Variants in C1QTNF7 observed in about 807,000 individuals in gnomAD.
C1QTNF7 encodes the protein C1q and TNF related 7, also known as complement C1q tumor necrosis factor-related protein 7.
Under a neutral mutation model 19.6 loss-of-function variants are expected in C1QTNF7, and 15 were observed. The observed-to-expected ratio is 0.76, with a 90% CI of 0.51 to 1.18. The LOEUF (loss-of-function observed/expected upper bound fraction) is 1.18, where lower values mean the gene tolerates loss of function less well. Among genes scored for constraint, C1QTNF7 ranks in the 50% most tolerant of loss-of-function variants. The pLI is 0.00. For missense variants in C1QTNF7, 324 were observed against 359.7 expected (o/e 0.90, Z 0.80); for synonymous variants, 142 against 137.5 (o/e 1.03, Z -0.23).
In C1QTNF7 at chr4:15,442,947, AAC is replaced by A; in HGVS notation, c.*152_*153del. The A allele has an allele frequency of 1.2e-6, 1 of 817,520 alleles. No homozygotes were observed. Among genetic ancestry groups the A allele is most frequent in the South Asian group, 2.6e-5 (1 of 38,568 alleles). The allele number at this position is 817,520 out of a possible 1,614,324, so 50.6% of individuals were successfully genotyped here. Reference sequence around the variant, plus strand: ...AGCAGAATTTATCAAAACAAGATGAAACACAGAAAAGTTGAAACCACAACAAA... The same window carrying A: ...AGCAGAATTTATCAAAACAAGATGAAACAGAAAAGTTGAAACCACAACAAA... On this transcript the variant is annotated 3_prime_UTR_variant, in exon 3 of 3. Transcript: ENST00000444304.
intron 1 of C1QTNF7, among the ~76,000 whole-genome samples, chr4:15,402,984 GTTTTTTT>G (rs5856299): frequency 4.2e-5 from 6 of 144,526 alleles, no homozygotes; most frequent in African/African-American, 1.5e-4. Flanking sequence ...GCTTTTTTCT[GTTTTTTT>G]TTTTTTTAAT....
At chr4:15,430,828 A>C (rs1245891486) in intron 1 of C1QTNF7, among the ~76,000 whole-genome samples, 1 of 152,216 alleles carries the variant, frequency 6.6e-6, no homozygotes, top group East Asian at 1.9e-4. Flanking sequence ...GATGGAACAA[A>C]TTTTTAAATG....
chr4:15,412,718 A>T (rs1196623802), intron 1 of C1QTNF7, among the ~76,000 whole-genome samples: 1 of 152,184 alleles, frequency 6.6e-6, no homozygotes, highest in Non-Finnish European at 1.5e-5. Context: ...TGCGCAGCTC[A>T]CCACACCTGG....
intron 1 of C1QTNF7, among the ~76,000 whole-genome samples, chr4:15,375,791 C>T (rs1216069738): frequency 6.6e-6 from 1 of 152,222 alleles, no homozygotes; most frequent in Non-Finnish European, 1.5e-5. Context: ...GTTCCCCCAA[C>T]TCACTGGAAA....
At position 15,433,297 on chromosome 4, in the gene C1QTNF7, C is replaced by T. The variant is rs540243348; in HGVS notation, c.-8-2439C>T. 1.4e-4 allele frequency among the ~76,000 whole-genome samples: 21 copies of T among 152,114 alleles called. No individual in the cohort carries two copies. The South Asian group carries it at 4.4e-3, about 32-fold the overall frequency. ...CCTCCCAATACACTGGGATTACAGA[C>T]GTGAGCCACCACACCCAGCCTTTTT... On this transcript the variant is annotated intron_variant, in intron 1 of 2. Coordinates refer to ENST00000444304, the MANE Select transcript of C1QTNF7 (RefSeq NM_031911.5).
chr4:15,365,603 C>A (rs1285430986), intron 1 of C1QTNF7, among the ~76,000 whole-genome samples: 1 of 152,160 alleles, frequency 6.6e-6, no homozygotes, highest in Non-Finnish European at 1.5e-5. Flanking sequence ...AGAGGGAATG[C>A]ATGAGCTCAT....
intron 1 of C1QTNF7, among the ~76,000 whole-genome samples, chr4:15,387,090 G>A (rs1718366653): frequency 6.6e-6 from 1 of 152,176 alleles, no homozygotes; most frequent in Non-Finnish European, 1.5e-5. Context: ...TGAGACACTT[G>A]AGGTGATGTT....
At chr4:15,401,159 G>C (rs1279932588) in intron 1 of C1QTNF7, among the ~76,000 whole-genome samples, 1 of 152,166 alleles carries the variant, frequency 6.6e-6, no homozygotes, top group Non-Finnish European at 1.5e-5. Flanking sequence ...GGGGAAGGGA[G>C]TGGCAAATAA....
intron 2 of C1QTNF7, among the ~76,000 whole-genome samples, 166 bp from the exon 3 acceptor site, chr4:15,442,002 T>C (rs552526651): frequency 2.0e-5 from 3 of 150,948 alleles, no homozygotes; most frequent in South Asian, 2.1e-4. Flanking sequence ...GCCCTGGTGA[T>C]AGAGTGAGAC....
At chr4:15,370,729 C>A (rs1717690440) in intron 1 of C1QTNF7, among the ~76,000 whole-genome samples, 1 of 152,094 alleles carries the variant, frequency 6.6e-6, no homozygotes, top group African/African-American at 2.4e-5. Context: ...GTTTCTTAGC[C>A]TAATATTCTA....
rs117864498 is a variant in C1QTNF7, at chr4:15,432,800, T to G, written c.-8-2936T>G. ...AGCATTTAGACTCCTATACAGGCAGTAGTATTCTTCCGCACTTGTCATAAA... is the reference window on the plus strand; with the variant it reads ...AGCATTTAGACTCCTATACAGGCAGGAGTATTCTTCCGCACTTGTCATAAA... On this transcript the variant is annotated intron_variant, in intron 1 of 2. Coordinates refer to ENST00000444304, the MANE Select transcript of C1QTNF7 (RefSeq NM_031911.5). Among the ~76,000 whole-genome samples the G allele has an allele frequency of 6.0e-4, 91 of 152,366 alleles. 1 individual carries two copies. In the East Asian group the frequency reaches 0.012, roughly 21 times the overall value.
intron 1 of C1QTNF7, among the ~76,000 whole-genome samples, chr4:15,368,227 T>C (rs1717597535): frequency 6.6e-6 from 1 of 152,156 alleles, no homozygotes; most frequent in African/African-American, 2.4e-5. Flanking sequence ...CCCGTGTGGT[T>C]GGATGTATCA....
rs546146425 is a variant in C1QTNF7, at chr4:15,374,611, G to A, written c.13+34404G>A. 7.3e-5 allele frequency: 72 copies of A among 985,378 alleles called. No individual in the cohort carries two copies. The South Asian group carries it at 3.0e-3, about 41-fold the overall frequency. 61.0% of individuals were successfully genotyped at this position (985,378 alleles called of 1,614,324 possible). The stretch of plus-strand genomic sequence containing the variant: ...GCCACCGCTCAAAGCCTGGGAGAAC[G>A]CTTTTGAAAGCGAATCAGGAAATTA... On this transcript the variant is annotated intron_variant, in intron 1 of 2. Coordinates refer to the C1QTNF7 transcript ENST00000295297.
chr4:15,406,168 A>G (rs929902575), intron 1 of C1QTNF7, among the ~76,000 whole-genome samples: 1 of 152,200 alleles, frequency 6.6e-6, no homozygotes, highest in African/African-American at 2.4e-5. Flanking sequence ...CTTCTACTCT[A>G]CAACACCAAT....
At chr4:15,404,243 A>G (rs1445118061) in intron 1 of C1QTNF7, among the ~76,000 whole-genome samples, 1 of 152,240 alleles carries the variant, frequency 6.6e-6, no homozygotes, top group Non-Finnish European at 1.5e-5. Context: ...TATGCCATTC[A>G]TGGAAGCAGC....
chr4:15,393,607 T>G (rs1441659582), intron 1 of C1QTNF7, among the ~76,000 whole-genome samples: 1 of 152,242 alleles, frequency 6.6e-6, no homozygotes, highest in Non-Finnish European at 1.5e-5. Flanking sequence ...CTGGAAATTC[T>G]GAGGACCAAT....
At chr4:15,391,560 T>C (rs972498295) in intron 1 of C1QTNF7, among the ~76,000 whole-genome samples, 5 of 152,106 alleles carry the variant, frequency 3.3e-5, no homozygotes, top group African/African-American at 1.2e-4. Context: ...CAGTGACCAA[T>C]GCAAACCAGC....
intron 1 of C1QTNF7, among the ~76,000 whole-genome samples, chr4:15,419,551 CAG>C (rs1320889334): frequency 2.0e-5 from 3 of 151,980 alleles, no homozygotes; most frequent in Non-Finnish European, 4.4e-5. Context: ...ACAAAAATAA[CAG>C]AAAGAAAGAA....
chr4:15,372,900 A>G (rs1321547025), intron 1 of C1QTNF7, among the ~76,000 whole-genome samples: 1 of 149,310 alleles, frequency 6.7e-6, no homozygotes, highest in Non-Finnish European at 1.5e-5. Context: ...ATAACAAGGG[A>G]AAAAAGATGA....
Sources: gnomAD v4.1 joint callset for allele counts (sites outside exome capture counted in the v4.1 genomes callset) on GRCh38, gnomAD v4.1.1 for gene constraint, MANE v1.5 for transcripts, NCBI Gene and HGNC (gene_info 2026-07-23, HGNC 2026-07-21) for gene names.